The following CENPP variants were observed in gnomAD, a reference collection of about 807,000 sequenced individuals.
The protein encoded by CENPP is centromere protein P.
CENPP carries 24 observed loss-of-function variants against 35.6 expected under a neutral mutation model. The ratio of observed to expected loss-of-function variants is 0.67; its 90% CI spans 0.49 to 0.95. The LOEUF (loss-of-function observed/expected upper bound fraction) is 0.95, where lower values mean the gene tolerates loss of function less well. Ranked by LOEUF, CENPP falls within the 40% of genes least tolerant of loss-of-function variation. The pLI, the probability that CENPP is intolerant of heterozygous loss-of-function variation, is 0.00. For synonymous variants in CENPP, 120 were observed against 125.5 expected, an observed-to-expected ratio of 0.96 and a Z score of 0.29; for missense variants, 332 against 345.3, an observed-to-expected ratio of 0.96 and a Z score of 0.31.
intron 5 of CENPP, chr9:92,466,496 G>T: frequency 6.2e-7 from 1 of 1,613,908 alleles, no homozygotes; most frequent in Non-Finnish European, 8.5e-7. Flanking sequence ...GACAGATACA[G>T]CCTTCGCAAC....
chr9:92,541,457 T>G (rs1381363065), intron 5 of CENPP, among the ~76,000 whole-genome samples: 1 of 61,906 alleles, frequency 1.6e-5, no homozygotes, highest in Non-Finnish European at 3.0e-5. Context: ...ACCCTCCTGG[T>G]TCAAGCGATT....
chr9:92,357,368 G>C (rs1032695337), intron 4 of CENPP, among the ~76,000 whole-genome samples: 1 of 150,960 alleles, frequency 6.6e-6, no homozygotes, highest in African/African-American at 2.4e-5. Flanking sequence ...CTCAACTTTT[G>C]TTTGCCTGAG....
At chr9:92,612,454 A>G in intron 6 of CENPP, 69 bp from the exon 7 acceptor site, 1 of 1,235,586 alleles carries the variant, frequency 8.1e-7, no homozygotes. Flanking sequence ...ACCAGGTGCG[A>G]CTCATGGTTG....
chr9:92,485,131 TG>T (rs1329958996), intron 5 of CENPP, among the ~76,000 whole-genome samples: 6 of 152,206 alleles, frequency 3.9e-5, no homozygotes, highest in Admixed American at 3.9e-4. Context: ...ACGTGCCATC[TG>T]GGAAGAAACT....
intron 4 of CENPP, among the ~76,000 whole-genome samples, chr9:92,353,247 G>A (rs1444776833): frequency 2.0e-5 from 3 of 152,326 alleles, no homozygotes; most frequent in Admixed American, 6.5e-5. Flanking sequence ...TACAGTCCCC[G>A]TTTCTGCAGC....
chr9:92,602,038 A>C (rs1157306936), intron 5 of CENPP, among the ~76,000 whole-genome samples: 2 of 152,182 alleles, frequency 1.3e-5, no homozygotes, highest in Non-Finnish European at 2.9e-5. Flanking sequence ...TGGGCAGGGA[A>C]GTACAAAATG....
At chr9:92,447,131 T>C (rs1844572555) in intron 5 of CENPP, among the ~76,000 whole-genome samples, 3 of 152,188 alleles carry the variant, frequency 2.0e-5, no homozygotes, top group African/African-American at 7.2e-5. Context: ...GGACCAGTTT[T>C]GTGGAATACA....
At chr9:92,330,956 C>A (rs953172080) in intron 1 of CENPP, among the ~76,000 whole-genome samples, 4 of 152,092 alleles carry the variant, frequency 2.6e-5, no homozygotes, top group African/African-American at 9.7e-5. Context: ...TCCCAAAGTG[C>A]TGGGATTGCA....
chr9:92,528,126 TA>T (rs751730669), intron 5 of CENPP: 8 of 152,096 alleles, frequency 5.3e-5, no homozygotes, highest in Non-Finnish European at 1.0e-4. Context: ...CAACATGGAG[TA>T]ATAGGGACTA....
chr9:92,399,328 T>A lies in CENPP; in HGVS notation c.564+19469T>A, dbSNP rs545582576. Reference sequence around the variant, plus strand: ...TGTGAGATTGAACACTTATTTGGGTTAAATCATTTAAATCATCTTGTGAAC... The same window carrying A: ...TGTGAGATTGAACACTTATTTGGGTAAAATCATTTAAATCATCTTGTGAAC... On this transcript the variant is annotated intron_variant, in intron 5 of 7. Transcript: ENST00000375587. Among the ~76,000 whole-genome samples, 14 of 152,346 alleles carry A rather than the reference T, an allele frequency of 9.2e-5. No individual in the cohort carries two copies. In the East Asian group the frequency reaches 1.7e-3, roughly 19 times the overall value.
intron 5 of CENPP, among the ~76,000 whole-genome samples, chr9:92,541,446 C>G (rs1023455466): frequency 1.0e-4 from 15 of 145,810 alleles, no homozygotes; most frequent in South Asian, 9.1e-4. Context: ...CCCACACCCC[C>G]ACCCTCCTGG....
intron 4 of CENPP, among the ~76,000 whole-genome samples, chr9:92,360,162 A>G (rs1259842940): frequency 6.6e-6 from 1 of 152,112 alleles, no homozygotes; most frequent in Non-Finnish European, 1.5e-5. Flanking sequence ...CGTTTTGGCT[A>G]TATTTGTATT....
intron 5 of CENPP, chr9:92,385,673 G>A (rs1374535377): frequency 2.5e-6 from 4 of 1,614,150 alleles, no homozygotes; most frequent in South Asian, 1.1e-5. Flanking sequence ...CTGTTTGGAT[G>A]CTTTCCCAGG....
chr9:92,488,823 A>G (rs373773738), intron 5 of CENPP, among the ~76,000 whole-genome samples: 1 of 152,204 alleles, frequency 6.6e-6, no homozygotes, highest in East Asian at 1.9e-4. Flanking sequence ...CATTTTAATA[A>G]CATGATGTAT....
At chr9:92,410,479 G>C (rs145075964) in intron 5 of CENPP, among the ~76,000 whole-genome samples, 55 of 152,266 alleles carry the variant, frequency 3.6e-4, no homozygotes, top group African/African-American at 1.3e-3. Context: ...GCCTTGTGAG[G>C]GGGTGGAGGG....
At chr9:92,485,205 C>T (rs371286376) in intron 5 of CENPP, among the ~76,000 whole-genome samples, 1 of 152,196 alleles carries the variant, frequency 6.6e-6, no homozygotes, top group Non-Finnish European at 1.5e-5. Flanking sequence ...CTCTTCTTCC[C>T]TCAAGTATTG....
At chr9:92,539,479 G>A (rs990921835) in intron 5 of CENPP, among the ~76,000 whole-genome samples, 1 of 151,916 alleles carries the variant, frequency 6.6e-6, no homozygotes, top group Admixed American at 6.6e-5. Flanking sequence ...CTTAATTAAA[G>A]TGATTGATTT....
intron 4 of CENPP, among the ~76,000 whole-genome samples, chr9:92,367,764 C>T (rs1841921675): frequency 6.6e-6 from 1 of 152,068 alleles, no homozygotes; most frequent in Non-Finnish European, 1.5e-5. Context: ...ATTACAGGTG[C>T]CCGCCATCAC....
chr9:92,453,252 C>T (rs903679600), intron 5 of CENPP, among the ~76,000 whole-genome samples: 3 of 151,946 alleles, frequency 2.0e-5, no homozygotes, highest in African/African-American at 7.3e-5. Flanking sequence ...TATAAATTTC[C>T]CTCTACACAC....
Sources: allele counts gnomAD v4.1 joint callset (sites outside exome capture counted in the v4.1 genomes callset), GRCh38; gene constraint gnomAD v4.1.1; transcripts MANE v1.5; gene names NCBI Gene and HGNC (gene_info 2026-07-23, HGNC 2026-07-21).